The following CALCRL variants were observed in gnomAD, a reference collection of about 807,000 sequenced individuals.
CALCRL encodes the protein calcitonin receptor like receptor.
A neutral mutation model predicts 60.4 loss-of-function variants in CALCRL; 27 were observed. That is an observed-to-expected ratio of 0.45 (90% CI 0.33 to 0.62). CALCRL has a LOEUF of 0.62. Among genes scored for constraint, CALCRL ranks in the 20% least tolerant of loss-of-function variants. The pLI is 0.03. For missense variants in CALCRL, 424 were observed against 540.7 expected (o/e 0.78, Z 2.14); for synonymous variants, 190 against 182.6 (o/e 1.04, Z -0.33).
At chr2:187,371,275 T>A (rs1345377802) in intron 8 of CALCRL, among the ~76,000 whole-genome samples, 2 of 151,202 alleles carry the variant, frequency 1.3e-5, no homozygotes, top group African/African-American at 4.9e-5. Flanking sequence ...TAATATCTAA[T>A]GTAAAGCCTG....
chr2:187,359,349 C>T, intron 10 of CALCRL, 77 bp from the exon 11 acceptor site: 3 of 1,052,274 alleles, frequency 2.9e-6, no homozygotes, highest in Non-Finnish European at 4.1e-6. Flanking sequence ...TAATTAAATA[C>T]AAAAATTCAA....
intron 8 of CALCRL, among the ~76,000 whole-genome samples, chr2:187,365,647 T>C (rs1253111450): frequency 6.6e-6 from 1 of 152,112 alleles, no homozygotes; most frequent in African/African-American, 2.4e-5. Flanking sequence ...GTAAGATATA[T>C]TTGTAAGAAG....
At chr2:187,399,999 T>C (rs1216005991) in intron 1 of CALCRL, among the ~76,000 whole-genome samples, 2 of 151,300 alleles carry the variant, frequency 1.3e-5, no homozygotes, top group African/African-American at 4.8e-5. Context: ...AAATTACAGC[T>C]AGATAGGAGG....
At chr2:187,393,945 T>C (rs1340904749) in intron 1 of CALCRL, among the ~76,000 whole-genome samples, 2 of 152,114 alleles carry the variant, frequency 1.3e-5, no homozygotes, top group Admixed American at 1.3e-4. Flanking sequence ...AAACTTTCCA[T>C]GCCCTATTCA....
rs547524751 is a variant in CALCRL at position 187,426,121 on chromosome 2, G to GA, written c.-293+21917dup. 6.2e-3 allele frequency among the ~76,000 whole-genome samples: 914 copies of GA among 147,446 alleles called. 7 individuals are homozygous for GA. Among genetic ancestry groups the GA allele is most frequent in the Admixed American group, 0.011 (157 of 14,858 alleles). On this transcript the variant is annotated intron_variant, in intron 1 of 14. Transcript: ENST00000392370. ...GAGAGCCAGGAAAACTCATTATATAGAAAAAAAAAGGAATAAAGGTAGCAC... is the reference window on the plus strand; with the variant it reads ...GAGAGCCAGGAAAACTCATTATATAGAAAAAAAAAAGGAATAAAGGTAGCAC...
intron 1 of CALCRL, among the ~76,000 whole-genome samples, chr2:187,409,880 C>T (rs907908678): frequency 2.0e-5 from 3 of 152,040 alleles, no homozygotes; most frequent in African/African-American, 7.2e-5. Context: ...AAAACATAAG[C>T]AAATGCCTTC....
intron 1 of CALCRL, among the ~76,000 whole-genome samples, chr2:187,420,730 G>A (rs1303236460): frequency 3.3e-5 from 5 of 152,092 alleles, no homozygotes; most frequent in Non-Finnish European, 2.9e-5. Context: ...GGGAACACTA[G>A]GTTCAGAACA....
chr2:187,400,253 T>G (rs1398758529), intron 1 of CALCRL, among the ~76,000 whole-genome samples: 3 of 151,362 alleles, frequency 2.0e-5, no homozygotes, highest in Non-Finnish European at 3.0e-5. Context: ...GCAAAGGATC[T>G]AACAAATACT....
intron 1 of CALCRL, among the ~76,000 whole-genome samples, chr2:187,389,500 A>G (rs527644212): frequency 1.3e-4 from 20 of 152,308 alleles, no homozygotes; most frequent in Middle Eastern, 6.8e-3. Flanking sequence ...CAGAGCTCAC[A>G]TTTCTGAAGT....
At chr2:187,411,334 A>G (rs976602243) in intron 1 of CALCRL, among the ~76,000 whole-genome samples, 1 of 152,182 alleles carries the variant, frequency 6.6e-6, no homozygotes, top group Non-Finnish European at 1.5e-5. Flanking sequence ...GAGTGTATGT[A>G]CTAACCATGC....
chr2:187,351,484 A>G (rs1191078527), intron 14 of CALCRL, among the ~76,000 whole-genome samples: 1 of 151,766 alleles, frequency 6.6e-6, no homozygotes, highest in African/African-American at 2.4e-5. Flanking sequence ...ATCCTTTCGT[A>G]TTTGCCATAA....
chr2:187,423,095 G>A lies in CALCRL; in HGVS notation c.-293+24944C>T, dbSNP rs550208175. On this transcript the variant is annotated intron_variant, in intron 1 of 14. Transcript: ENST00000392370. The stretch of plus-strand genomic sequence containing the variant: ...AATAAATAGCTCTTCCTTATTTCTC[G>A]TTTAAAATTTCAGACAAATTTGACC... 1.5e-3 allele frequency among the ~76,000 whole-genome samples: 234 copies of A among 152,006 alleles called. 1 individual carries two copies. The highest frequency in any genetic ancestry group is 3.3e-3 in the South Asian group (16 of 4,814).
chr2:187,354,118 A>G (rs866046522), intron 12 of CALCRL, among the ~76,000 whole-genome samples: 5 of 152,042 alleles, frequency 3.3e-5, no homozygotes, highest in African/African-American at 9.7e-5. Flanking sequence ...TTTAAATTTT[A>G]GAAGAACTAT....
chr2:187,421,159 T>C (rs1689856257), intron 1 of CALCRL, among the ~76,000 whole-genome samples: 2 of 152,206 alleles, frequency 1.3e-5, no homozygotes, highest in South Asian at 4.1e-4. Context: ...AGGTGACTCA[T>C]AGGAAAGTAC....
chr2:187,441,091 TA>T (rs1371083804), intron 1 of CALCRL, among the ~76,000 whole-genome samples: 1 of 151,944 alleles, frequency 6.6e-6, no homozygotes, highest in Non-Finnish European at 1.5e-5. Flanking sequence ...CACAAAAAAA[TA>T]TTTTTTGTCA....
At chr2:187,441,168 C>G (rs1324313200) in intron 1 of CALCRL, among the ~76,000 whole-genome samples, 8 of 151,806 alleles carry the variant, frequency 5.3e-5, no homozygotes, top group Admixed American at 5.3e-4. Context: ...ATATCTTAAC[C>G]AAGGAAAACA....
chr2:187,365,889 A>G (rs1026246718), intron 8 of CALCRL, among the ~76,000 whole-genome samples: 6 of 152,210 alleles, frequency 3.9e-5, no homozygotes, highest in Non-Finnish European at 5.9e-5. Context: ...AGAGGCTGGA[A>G]AGGGTAAGGG....
chr2:187,401,715 C>A, intron 1 of CALCRL, among the ~76,000 whole-genome samples: 1 of 151,432 alleles, frequency 6.6e-6, no homozygotes, highest in South Asian at 2.1e-4. Context: ...AATTTACAAA[C>A]AAAAATGTAG....
intron 1 of CALCRL, among the ~76,000 whole-genome samples, chr2:187,436,181 T>C (rs1690636882): frequency 2.0e-5 from 3 of 152,180 alleles, no homozygotes; most frequent in Admixed American, 2.0e-4. Flanking sequence ...TATTGTTAGT[T>C]TGACTCTATT....
Sources: gnomAD v4.1 joint callset for allele counts (sites outside exome capture counted in the v4.1 genomes callset) on GRCh38, gnomAD v4.1.1 for gene constraint, MANE v1.5 for transcripts, NCBI Gene and HGNC (gene_info 2026-07-23, HGNC 2026-07-21) for gene names.